The following DR1 variants were observed in gnomAD, a reference collection of about 807,000 sequenced individuals.
DR1 encodes down-regulator of transcription 1, also known as protein Dr1.
In DR1, 7 loss-of-function variants were observed where a neutral mutation model predicts 19.9. The ratio of observed to expected loss-of-function variants is 0.35; its 90% confidence interval spans 0.20 to 0.66. DR1 has a LOEUF of 0.66. Among genes scored for constraint, DR1 ranks in the 30% least tolerant of loss-of-function variants. The pLI, the probability that DR1 is intolerant of heterozygous loss-of-function variation, is 0.66. For synonymous variants in DR1, 76 were observed against 72.5 expected (o/e 1.05, Z -0.24); for missense variants, 98 against 203.7 (o/e 0.48, Z 3.16).
chr1:93,347,005 C>T (rs1412472959), intron 1 of DR1, 140 bp downstream of exon 1: 40 of 737,144 alleles, frequency 5.4e-5, no homozygotes, highest in Admixed American at 2.7e-5. Flanking sequence ...ATGTAGGCAG[C>T]CGGTGCTTTA....
intron 2 of DR1, among the ~76,000 whole-genome samples, chr1:93,356,497 A>G (rs1666986834): frequency 6.6e-6 from 1 of 152,200 alleles, no homozygotes; most frequent in Non-Finnish European, 1.5e-5. Context: ...AAAGTCAATT[A>G]AATTTGAAAT....
intron 2 of DR1, among the ~76,000 whole-genome samples, chr1:93,356,553 C>T (rs1666987607): frequency 6.6e-6 from 1 of 152,172 alleles, no homozygotes; most frequent in Admixed American, 6.5e-5. Context: ...ACTACCAAAT[C>T]AAGCACCTTT....
chr1:93,359,698 CAG>C (rs748226389), intron 2 of DR1, among the ~76,000 whole-genome samples: 5 of 152,048 alleles, frequency 3.3e-5, no homozygotes, highest in Non-Finnish European at 7.4e-5. Flanking sequence ...TTTCTGCAAA[CAG>C]ATGAAATTAA....
At chr1:93,357,533 A>ATAAATAAC (rs1667003437) in intron 2 of DR1, among the ~76,000 whole-genome samples, 1 of 151,874 alleles carries the variant, frequency 6.6e-6, no homozygotes, top group Non-Finnish European at 1.5e-5. Flanking sequence ...AAATAAATAA[A>ATAAATAAC]TAAATAAATA....
chr1:93,350,712 T>C (rs1003228261), intron 1 of DR1, among the ~76,000 whole-genome samples: 1 of 152,150 alleles, frequency 6.6e-6, no homozygotes, highest in Non-Finnish European at 1.5e-5. Context: ...GTGCAAAGTA[T>C]TTTTTCCCCT....
chr1:93,360,615 TGAA>T lies in DR1; in HGVS notation c.513_515del (p.Glu171del), dbSNP rs757082588. On this transcript the variant is annotated inframe_deletion, in exon 3 of 3. Coordinates refer to ENST00000370272, the MANE Select transcript of DR1 (RefSeq NM_001938.3). Reference sequence around the variant, plus strand: ...CTAATCAGGCGGGATCTTCTCAGGATGAAGAAGATGATGATGATATCTGAAATT... The same window carrying T: ...CTAATCAGGCGGGATCTTCTCAGGATGAAGATGATGATGATATCTGAAATT... 5 of 1,589,132 alleles carry T rather than the reference TGAA, an allele frequency of 3.1e-6. No homozygotes were observed. Among genetic ancestry groups the T allele is most frequent in the Admixed American group, 3.7e-5 (2 of 54,010 alleles).
chr1:93,346,580 C>G lies in DR1; in HGVS notation c.-66C>G. The G allele has an allele frequency of 7.3e-7, 1 of 1,369,470 alleles. No homozygotes were observed. Among genetic ancestry groups the G allele is most frequent in the Non-Finnish European group, 1.0e-6 (1 of 974,240 alleles). The allele number at this position is 1,369,470 out of a possible 1,614,324, so 84.8% of individuals were successfully genotyped here. On this transcript the variant is annotated 5_prime_UTR_variant, in exon 1 of 3. Coordinates refer to ENST00000370272, the MANE Select transcript of DR1 (RefSeq NM_001938.3). ...CCGAGGGCGACTTTTTGAGAAATCT[C>G]GGTGGAGTAGTGGACCAGAGCTGGG...
Position 93,357,245 on chromosome 1 carries a change from A to G in DR1, c.384+3174A>G, listed in dbSNP as rs78423419. The stretch of plus-strand genomic sequence containing the variant: ...CTTATCCTTGTTTTTTCTAATATCT[A>G]TAGTCTTTTCCTTACTTATTTCTTC... On this transcript the variant is annotated intron_variant, in intron 2 of 2. Coordinates refer to ENST00000370272, the MANE Select transcript of DR1 (RefSeq NM_001938.3). Among the ~76,000 whole-genome samples, 22 of 152,188 alleles carry G rather than the reference A, an allele frequency of 1.4e-4. No homozygotes were observed. In the East Asian group the frequency reaches 2.7e-3, roughly 19 times the overall value.
In DR1 at chr1:93,349,607, T is replaced by A. The variant is rs544236140; in HGVS notation, c.220+2742T>A. 3.3e-5 allele frequency among the ~76,000 whole-genome samples: 5 copies of A among 152,160 alleles called. No individual in the cohort carries two copies. In the East Asian group the frequency reaches 9.6e-4, roughly 29 times the overall value. ...GGGGTTGAGAACCTTACATGAAATA[T>A]CTCCCCTCACATTTATGAGAATTGT... On this transcript the variant is annotated intron_variant, in intron 1 of 2. Transcript: ENST00000370272.
rs561992725 is a variant in DR1, at chr1:93,364,924, G to C, written c.*4285G>C. On this transcript the variant is annotated 3_prime_UTR_variant, in exon 3 of 3. Transcript: ENST00000370272. Reference sequence around the variant, plus strand: ...GCTGGAATGCAGTGGCGCGATCTCGGCTCACTGCAAGCTCCGCCTCCCGGG... The same window carrying C: ...GCTGGAATGCAGTGGCGCGATCTCGCCTCACTGCAAGCTCCGCCTCCCGGG... The C allele has an allele frequency of 1.5e-5, 2 of 133,824 alleles. No homozygotes were observed. The highest frequency in any genetic ancestry group is 1.8e-4 in the Admixed American group (2 of 10,894). The allele number at this position is 133,824 out of a possible 1,614,324, so 8.3% of individuals were successfully genotyped here.
In DR1 at chr1:93,364,842, C is replaced by CTTTCTTTTTTTTTTTTTTTT. The variant is rs1667098890; in HGVS notation, c.*4206_*4207insCTTTTTTTTTTTTTTTTTTT. 3.8e-5 allele frequency: 3 copies of CTTTCTTTTTTTTTTTTTTTT among 79,762 alleles called. No homozygotes were observed. The highest frequency in any genetic ancestry group is 1.3e-4 in the African/African-American group (3 of 23,750). 4.9% of individuals were successfully genotyped at this position (79,762 alleles called of 1,614,324 possible). ...ATGTTTCCTTTTTCTTTTTTCTTTTCTTTTCTTTCTTTTTTTTTTTTTTTT... is the reference window on the plus strand; with the variant it reads ...ATGTTTCCTTTTTCTTTTTTCTTTTCTTTCTTTTTTTTTTTTTTTTTTTTCTTTCTTTTTTTTTTTTTTTT... On this transcript the variant is annotated 3_prime_UTR_variant, in exon 3 of 3. Transcript: ENST00000370272.
chr1:93,350,205 G>C (rs1666899652), intron 1 of DR1, among the ~76,000 whole-genome samples: 1 of 152,046 alleles, frequency 6.6e-6, no homozygotes, highest in Non-Finnish European at 1.5e-5. Context: ...TTGGCATCAT[G>C]CTAGGTACTA....
At position 93,364,641 on chromosome 1, in the gene DR1, T is replaced by C. The variant is rs1667095531; in HGVS notation, c.*4002T>C. On this transcript the variant is annotated 3_prime_UTR_variant, in exon 3 of 3. Coordinates refer to ENST00000370272, the MANE Select transcript of DR1 (RefSeq NM_001938.3). ...CTGTTTTTCACCATCCCCCAGGATA[T>C]AAAGTGTCATGGTTAGGATCGGCCA... 1 of 152,296 alleles carries C rather than the reference T, an allele frequency of 6.6e-6. No homozygotes were observed. The highest frequency in any genetic ancestry group is 3.4e-3 in the Middle Eastern group (1 of 296). The allele number at this position is 152,296 out of a possible 1,614,324, so 9.4% of individuals were successfully genotyped here.
At position 93,346,108 on chromosome 1, in the gene DR1, G is replaced by GGCCT; in HGVS notation, c.-538_-537insGCCT. 4.7e-6 allele frequency: 1 copy of GGCCT among 211,914 alleles called. No individual in the cohort carries two copies. The highest frequency in any genetic ancestry group is 9.3e-6 in the Non-Finnish European group (1 of 106,982). The allele number at this position is 211,914 out of a possible 1,614,324, so 13.1% of individuals were successfully genotyped here. On this transcript the variant is annotated 5_prime_UTR_variant, in exon 1 of 3. Transcript: ENST00000370272. ...TCCAGCAGCGGCAGCGGCAGCGGCA[G>GGCCT]CGGCGGACATGTTGTGAGGCGGCGG...
At chr1:93,352,969 G>A (rs546663709) in intron 1 of DR1, among the ~76,000 whole-genome samples, 7 of 147,788 alleles carry the variant, frequency 4.7e-5, no homozygotes, top group Admixed American at 2.1e-4. Flanking sequence ...GTCATGGCTC[G>A]TGACATCCTC....
chr1:93,360,078 A>G (rs941627776), intron 2 of DR1, among the ~76,000 whole-genome samples: 4 of 152,166 alleles, frequency 2.6e-5, no homozygotes, highest in Admixed American at 6.5e-5. Flanking sequence ...AGATTGAAAA[A>G]TGTTTGTATC....
rs1179451473 is a variant in DR1 at position 93,349,023 on chromosome 1, T to C, written c.220+2158T>C. Among the ~76,000 whole-genome samples the C allele has an allele frequency of 2.6e-5, 4 of 152,110 alleles. No homozygotes were observed. The South Asian group carries it at 8.3e-4, about 31-fold the overall frequency. ...GTCAGCATTGATTAGGAATGTAGAA[T>C]ATATCCAAATGGAATAAGTAATGTA... On this transcript the variant is annotated intron_variant, in intron 1 of 2. Coordinates refer to ENST00000370272, the MANE Select transcript of DR1 (RefSeq NM_001938.3).
chr1:93,368,656 T>A lies in DR1; in HGVS notation c.*8017T>A, dbSNP rs1365788260. On this transcript the variant is annotated 3_prime_UTR_variant, in exon 3 of 3. Transcript: ENST00000370272. Reference sequence around the variant, plus strand: ...GTCACTAATAAACTTCTAGAATCCATGTAGTAGGGTGTAGTAGTGTGGTTA... The same window carrying A: ...GTCACTAATAAACTTCTAGAATCCAAGTAGTAGGGTGTAGTAGTGTGGTTA... 6.6e-6 allele frequency: 1 copy of A among 152,226 alleles called. No individual in the cohort carries two copies. The highest frequency in any genetic ancestry group is 1.9e-4 in the East Asian group (1 of 5,206). The allele number at this position is 152,226 out of a possible 1,614,324, so 9.4% of individuals were successfully genotyped here. A position where few individuals can be genotyped will look rare whatever the true frequency, so the allele number is the denominator to read the frequency against.
rs1321460813 is a variant in DR1, at chr1:93,346,654, C to T, written c.9C>T (p.Ser3=). The T allele has an allele frequency of 1.1e-5, 18 of 1,613,776 alleles. No individual in the cohort carries two copies. The highest frequency in any genetic ancestry group is 1.5e-5 in the Non-Finnish European group (18 of 1,179,930). Reference sequence around the variant, plus strand: ...AGAAACAGGAAGGTACTATGGCTTCCTCGTCTGGCAACGATGATGATCTCA... The same window carrying T: ...AGAAACAGGAAGGTACTATGGCTTCTTCGTCTGGCAACGATGATGATCTCA... MA[S]SSGNDDDLTI... The change falls in exon 1 of 3, where the codon TCC becomes TCT. Residue 3 remains serine (S), a synonymous_variant. Coordinates refer to ENST00000370272, the MANE Select transcript of DR1 (RefSeq NM_001938.3).
Sources: allele counts gnomAD v4.1 joint callset (sites outside exome capture counted in the v4.1 genomes callset), GRCh38; gene constraint gnomAD v4.1.1; transcripts MANE v1.5; gene names NCBI Gene and HGNC (gene_info 2026-07-23, HGNC 2026-07-21).